The following OR9I1 variants were observed in gnomAD, a reference collection of about 807,000 sequenced individuals.
The protein encoded by OR9I1 is olfactory receptor 9I1.
Under a neutral mutation model 11.2 loss-of-function variants are expected in OR9I1, and 7 were observed. That is an observed-to-expected ratio of 0.62 (90% confidence interval 0.36 to 1.17). The LOEUF is 1.17. OR9I1 is among the 50% of genes most tolerant of loss of function. OR9I1 has a pLI of 0.02. For missense variants in OR9I1, 428 were observed against 377.2 expected (o/e 1.13, Z -1.12); for synonymous variants, 165 against 153.4 (o/e 1.08, Z -0.56).
chr11:58,124,093 G>C (rs1854064171), intron 2 of OR9I1, among the ~76,000 whole-genome samples: 1 of 152,110 alleles, frequency 6.6e-6, no homozygotes, highest in African/African-American at 2.4e-5. Context: ...ATATTTCCCA[G>C]AGGGAAAAAT....
At position 58,117,296 on chromosome 11, in the gene OR9I1, T is replaced by TA. The variant is rs1421005506; in HGVS notation, c.*1203dup. The TA allele has an allele frequency of 1.3e-5, 2 of 152,174 alleles. No individual in the cohort carries two copies. The highest frequency in any genetic ancestry group is 2.9e-5 in the Non-Finnish European group (2 of 68,020). The allele number at this position is 152,174 out of a possible 1,614,324, so 9.4% of individuals were successfully genotyped here. A position where few individuals can be genotyped will look rare whatever the true frequency, so the allele number is the denominator to read the frequency against. On this transcript the variant is annotated 3_prime_UTR_variant, in exon 3 of 3. Transcript: ENST00000641439. The stretch of plus-strand genomic sequence containing the variant: ...ATTAAATCATTTACCCAAAGTCTCA[T>TA]AATAAATCAGTGGTGGAATCAGGAT...
At position 58,118,425 on chromosome 11, in the gene OR9I1, A is replaced by G. The variant is rs1853981012; in HGVS notation, c.*75T>C. 9 of 946,984 alleles carry G rather than the reference A, an allele frequency of 9.5e-6. No individual in the cohort carries two copies. The highest frequency in any genetic ancestry group is 1.4e-5 in the Non-Finnish European group (9 of 626,842). 58.7% of individuals were successfully genotyped at this position (946,984 alleles called of 1,614,324 possible). A position where few individuals can be genotyped will look rare whatever the true frequency, so the allele number is the denominator to read the frequency against. On this transcript the variant is annotated 3_prime_UTR_variant, in exon 3 of 3. Transcript: ENST00000641439. ...CTCTGTTTGTGGGTATAGGTTGCAT[A>G]TAGTAATGGTGCCTATTAGGATATA...
At position 58,119,260 on chromosome 11, in the gene OR9I1, A is replaced by G; in HGVS notation, c.185T>C (p.Phe62Ser). 1 of 1,614,022 alleles carries G rather than the reference A, an allele frequency of 6.2e-7. No homozygotes were observed. ...DVKLYTPMYF[F>S]LSHLSLLDAC... ...ATCCAGCAGGGAGAGGTGGCTCAGG[A>G]AGAAGTACATTGGGGTGTAGAGTTT... is the stretch of plus-strand genomic sequence containing the variant. Residue 62 changes from phenylalanine (F) to serine (S), a missense_variant, in exon 3 of 3, where the codon TTC becomes TCC. Coordinates refer to ENST00000641439, the MANE Select transcript of OR9I1 (RefSeq NM_001005211.2).
intron 2 of OR9I1, among the ~76,000 whole-genome samples, chr11:58,120,929 A>G (rs1294278775): frequency 6.6e-5 from 10 of 151,296 alleles, no homozygotes; most frequent in African/African-American, 2.2e-4. Context: ...CCACCCCCTT[A>G]ACAAAAAAAT....
intron 2 of OR9I1, among the ~76,000 whole-genome samples, chr11:58,121,123 T>A (rs1854028448): frequency 6.6e-6 from 1 of 152,092 alleles, no homozygotes; most frequent in Non-Finnish European, 1.5e-5. Flanking sequence ...AAACTTCTGC[T>A]TCTGGGAGAA....
At chr11:58,119,516 C>G (rs1854004114) in intron 2 of OR9I1, 50 bp from the exon 3 acceptor site, 1 of 1,054,712 alleles carries the variant, frequency 9.5e-7, no homozygotes, top group Admixed American at 2.4e-5. Context: ...AGGACAGAAT[C>G]TTTCCCTCTA....
At position 58,118,612 on chromosome 11, in the gene OR9I1, T is replaced by C. The variant is rs762091087; in HGVS notation, c.833A>G (p.Tyr278Cys). 3.1e-6 allele frequency: 5 copies of C among 1,614,040 alleles called. No homozygotes were observed. Among genetic ancestry groups the C allele is most frequent in the South Asian group, 1.1e-5 (1 of 91,072 alleles). ...GTTCAGCATGGGGATGACCACTGTA[T>C]AGAAGACAGACACGACTTTGTCTTC... ...LEEDKVVSVF[Y>C]TVVIPMLNPL... The change falls in exon 3 of 3, where the codon TAT becomes TGT. Residue 278 changes from tyrosine (Y) to cysteine (C), a missense_variant. Physicochemically the swap from Tyr to Cys is radical, Grantham distance 194 (BLOSUM62 -2). Coordinates refer to ENST00000641439, the MANE Select transcript of OR9I1 (RefSeq NM_001005211.2).
In OR9I1 at chr11:58,117,667, C is replaced by T. The variant is rs1565080561; in HGVS notation, c.*833G>A. 3 of 152,162 alleles carry T rather than the reference C, an allele frequency of 2.0e-5. No individual in the cohort carries two copies. Among genetic ancestry groups the T allele is most frequent in the Admixed American group, 1.3e-4 (2 of 15,270 alleles). 9.4% of individuals were successfully genotyped at this position (152,162 alleles called of 1,614,324 possible). On this transcript the variant is annotated 3_prime_UTR_variant, in exon 3 of 3. Coordinates refer to ENST00000641439, the MANE Select transcript of OR9I1 (RefSeq NM_001005211.2). ...TTATCTGTTGGTGCTCTCTGATTTG[C>T]TCTTCCTGGAAATGGGTTGCTTGGT...
intron 1 of OR9I1, 38 bp downstream of exon 1, chr11:58,125,236 A>ACCCC (rs201477338): frequency 1.4e-5 from 1 of 69,658 alleles, no homozygotes; most frequent in Admixed American, 2.0e-4. Flanking sequence ...CCCCTTACCC[A>ACCCC]CCGCCCCCCC....
At chr11:58,122,974 G>C (rs898510141) in intron 2 of OR9I1, among the ~76,000 whole-genome samples, 1 of 143,340 alleles carries the variant, frequency 7.0e-6, no homozygotes, top group African/African-American at 2.6e-5. Flanking sequence ...TTTTTTTTTC[G>C]GATTTTGTTA....
rs779686177 is a variant in OR9I1, at chr11:58,118,492, A to T, written c.*8T>A. The T allele has an allele frequency of 4.5e-6, 7 of 1,554,844 alleles. No individual in the cohort carries two copies. Among genetic ancestry groups the T allele is most frequent in the Non-Finnish European group, 2.6e-6 (3 of 1,145,206 alleles). On this transcript the variant is annotated 3_prime_UTR_variant, in exon 3 of 3. Transcript: ENST00000641439. Reference sequence around the variant, plus strand: ...GTGGACTAAAACAAGAATTCCTCTTACTTAGATCTACATGCTCAGGGACAC... The same window carrying T: ...GTGGACTAAAACAAGAATTCCTCTTTCTTAGATCTACATGCTCAGGGACAC...
Position 58,118,423 on chromosome 11 carries a change from A to C in OR9I1, c.*77T>G. On this transcript the variant is annotated 3_prime_UTR_variant, in exon 3 of 3. Transcript: ENST00000641439. Reference sequence around the variant, plus strand: ...TTCTCTGTTTGTGGGTATAGGTTGCATATAGTAATGGTGCCTATTAGGATA... The same window carrying C: ...TTCTCTGTTTGTGGGTATAGGTTGCCTATAGTAATGGTGCCTATTAGGATA... The C allele has an allele frequency of 1.1e-6, 1 of 924,234 alleles. No individual in the cohort carries two copies. Among genetic ancestry groups the C allele is most frequent in the Non-Finnish European group, 1.7e-6 (1 of 606,028 alleles). The allele number at this position is 924,234 out of a possible 1,614,324, so 57.3% of individuals were successfully genotyped here. A position where few individuals can be genotyped will look rare whatever the true frequency, so the allele number is the denominator to read the frequency against.
Position 58,117,435 on chromosome 11 carries a change from T to C in OR9I1, c.*1065A>G, listed in dbSNP as rs936789929. On this transcript the variant is annotated 3_prime_UTR_variant, in exon 3 of 3. Transcript: ENST00000641439. ...AATGGGAATTTTACATTAAACTATG[T>C]TTTTCCCATTTGCCATAGAGTTGCC... 6.6e-6 allele frequency: 1 copy of C among 152,162 alleles called. No individual in the cohort carries two copies. Among genetic ancestry groups the C allele is most frequent in the Admixed American group, 6.5e-5 (1 of 15,272 alleles). The allele number at this position is 152,162 out of a possible 1,614,324, so 9.4% of individuals were successfully genotyped here. A position where few individuals can be genotyped will look rare whatever the true frequency, so the allele number is the denominator to read the frequency against.
rs1198291064 is a variant in OR9I1, at chr11:58,119,387, G to A, written c.58C>T (p.His20Tyr). The change falls in exon 3 of 3, where the codon CAC (histidine) becomes TAC (tyrosine). Residue 20 changes from histidine (H) to tyrosine (Y), a missense_variant. Physicochemically the swap from His to Tyr is moderately conservative, Grantham distance 83. Coordinates refer to ENST00000641439, the MANE Select transcript of OR9I1 (RefSeq NM_001005211.2). Reference sequence around the variant, plus strand: ...AAGAGGGGAATCTCCAATTTGGGGTGGTCCATAAAGCCCATGAGAATGAAT... The same window carrying A: ...AAGAGGGGAATCTCCAATTTGGGGTAGTCCATAAAGCCCATGAGAATGAAT... ...TEFILMGFMD[H>Y]PKLEIPLFLV... 2 of 1,613,742 alleles carry A rather than the reference G, an allele frequency of 1.2e-6. No homozygotes were observed. The highest frequency in any genetic ancestry group is 1.7e-6 in the Non-Finnish European group (2 of 1,179,764).
At chr11:58,121,753 G>T (rs1485580773) in intron 2 of OR9I1, among the ~76,000 whole-genome samples, 1 of 152,184 alleles carries the variant, frequency 6.6e-6, no homozygotes, top group East Asian at 1.9e-4. Flanking sequence ...AATTTTCTTT[G>T]CTGTGGCAAC....
rs544497086 is a variant in OR9I1, at chr11:58,120,370, T to C, written c.-22-904A>G. On this transcript the variant is annotated intron_variant, in intron 2 of 2. Transcript: ENST00000641439. ...ATAACATATTCACCTATTTGTAACA[T>C]AGAAAAATATGCTTATGTCATAGGG... Among the ~76,000 whole-genome samples the C allele has an allele frequency of 8.3e-4, 126 of 152,268 alleles. 1 individual carries two copies. The highest frequency in any genetic ancestry group is 2.7e-3 in the African/African-American group (112 of 41,558).
At chr11:58,119,918 A>G (rs1048993935) in intron 2 of OR9I1, among the ~76,000 whole-genome samples, 3 of 152,110 alleles carry the variant, frequency 2.0e-5, no homozygotes, top group African/African-American at 7.2e-5. Context: ...CCCCTTCTAG[A>G]TACAGCAATT....
chr11:58,121,071 A>T (rs1270528541), intron 2 of OR9I1, among the ~76,000 whole-genome samples: 1 of 152,132 alleles, frequency 6.6e-6, no homozygotes, highest in African/African-American at 2.4e-5. Flanking sequence ...ACACAAAAAG[A>T]CTAAATATTG....
intron 2 of OR9I1, among the ~76,000 whole-genome samples, chr11:58,121,223 G>C (rs139560454): frequency 0.017 from 2,620 of 152,244 alleles, 27 homozygotes; most frequent in Non-Finnish European, 0.027. Context: ...TTATATTTGA[G>C]TCATGGAAAT....
Sources: allele counts gnomAD v4.1 joint callset (sites outside exome capture counted in the v4.1 genomes callset), GRCh38; gene constraint gnomAD v4.1.1; transcripts MANE v1.5; gene names NCBI Gene and HGNC (gene_info 2026-07-23, HGNC 2026-07-21).